Variants in KIF12 observed in about 807,000 individuals in gnomAD.
KIF12 encodes kinesin-like protein KIF12.
A neutral mutation model predicts 87.9 loss-of-function variants in KIF12; 80 were observed. The observed-to-expected ratio is 0.91, with a 90% CI of 0.76 to 1.10. KIF12 has a LOEUF of 1.10. Ranked by LOEUF, KIF12 falls within the 50% of genes least tolerant of loss-of-function variation. The probability of loss-of-function intolerance (pLI) is 0.00; values close to 1 mark genes in which losing one functional copy is unlikely to be tolerated. For synonymous variants in KIF12, 353 were observed against 348.5 expected, an observed-to-expected ratio of 1.01 and a Z score of -0.14; for missense variants, 819 against 865.3, an observed-to-expected ratio of 0.95 and a Z score of 0.67.
chr9:114,095,808 C>A (rs1215402408), intron 9 of KIF12, among the ~76,000 whole-genome samples: 1 of 152,212 alleles, frequency 6.6e-6, no homozygotes, highest in African/African-American at 2.4e-5. Flanking sequence ...TTGAGTGGTT[C>A]TATTTCCCAA....
rs188701783 is a variant in KIF12, at chr9:114,096,032, G to T, written c.895+19C>A. On this transcript the variant is annotated intron_variant, in intron 9 of 18. Transcript: ENST00000640217. ...CAGAGGAGAGACAGGAAATCACACCGGTGGCCCCCAGGTCTCACCCAGGGC... is the reference window on the plus strand; with the variant it reads ...CAGAGGAGAGACAGGAAATCACACCTGTGGCCCCCAGGTCTCACCCAGGGC... 6.3e-7 allele frequency: 1 copy of T among 1,596,544 alleles called. No homozygotes were observed. Among genetic ancestry groups the T allele is most frequent in the African/African-American group, 1.3e-5 (1 of 74,684 alleles).
intron 18 of KIF12, 62 bp from the exon 19 acceptor site, chr9:114,092,062 TG>T: frequency 6.4e-7 from 1 of 1,552,082 alleles, no homozygotes; most frequent in Non-Finnish European, 8.7e-7. Flanking sequence ...CAGGTCCATC[TG>T]GGTCCCAACA....
At chr9:114,094,021 G>T in intron 13 of KIF12, 49 bp from the exon 14 acceptor site, 1 of 1,540,402 alleles carries the variant, frequency 6.5e-7, no homozygotes. Context: ...GGCTGGGGTG[G>T]GGCATCAGTC....
Position 114,098,116 on chromosome 9 carries a change from TG to T in KIF12, c.373del (p.Gln125ArgfsTer51). On this transcript the variant is annotated frameshift_variant and splice_region_variant, in exon 5 of 19. Coordinates refer to ENST00000640217, the MANE Select transcript of KIF12 (RefSeq NM_001388308.1). LOFTEE classifies it high-confidence loss of function. ...KTYTLTGPPP[Q>X]GEGVPVPPSL... The stretch of plus-strand genomic sequence containing the variant: ...GGGGCGCCGCCGGCGCTCGCTCACC[TG>T]GGGAGGGGGTCCAGTCAGGGTGTAG... 1 of 1,546,948 alleles carries T rather than the reference TG, an allele frequency of 6.5e-7. No homozygotes were observed. Among genetic ancestry groups the T allele is most frequent in the Non-Finnish European group, 8.7e-7 (1 of 1,145,886 alleles).
chr9:114,097,408 G>A lies in KIF12; in HGVS notation c.539C>T (p.Pro180Leu). The change falls in exon 7 of 19, where the codon CCC (proline) becomes CTC (leucine). Residue 180 changes from proline (P) to leucine (L), a missense_variant. Coordinates refer to ENST00000640217, the MANE Select transcript of KIF12 (RefSeq NM_001388308.1). ...GTTCCAGCGAACAGGGAGGGGCCGG[G>A]GAGACCCCAGGCTCAGCAAGTCCCG... ...QVRDLLSLGS[P>L]RPLPVRWNKT... The A allele has an allele frequency of 6.2e-7, 1 of 1,601,898 alleles. No homozygotes were observed. Among genetic ancestry groups the A allele is most frequent in the Non-Finnish European group, 8.5e-7 (1 of 1,176,268 alleles).
At chr9:114,096,738 A>G (rs1355471706) in intron 7 of KIF12, among the ~76,000 whole-genome samples, 1 of 152,166 alleles carries the variant, frequency 6.6e-6, no homozygotes, top group Non-Finnish European at 1.5e-5. Context: ...CTGCTTCGTG[A>G]AAGGAAGGGG....
chr9:114,098,180 T>C lies in KIF12; in HGVS notation c.310A>G (p.Thr104Ala). 6.5e-7 allele frequency: 1 copy of C among 1,546,232 alleles called. No homozygotes were observed. Residue 104 changes from threonine to alanine, a missense_variant, in exon 5 of 19, where the codon ACT (threonine) becomes GCT (alanine). Transcript: ENST00000640217. ...GELALRGFSC[T>A]VFTFGQTGSG... is the part of the protein sequence containing the mutation. ...CCCGTCTGGCCAAAGGTGAAAACAG[T>C]GCAGGAGAAACTGCGGGCGGCAAGG... is the stretch of plus-strand genomic sequence containing the variant.
Position 114,098,422 on chromosome 9 carries a change from G to A in KIF12, c.179C>T (p.Pro60Leu), listed in dbSNP as rs975719500. 1.6e-5 allele frequency: 24 copies of A among 1,508,822 alleles called. No individual in the cohort carries two copies. The highest frequency in any genetic ancestry group is 2.5e-5 in the South Asian group (2 of 81,510). 93.5% of individuals were successfully genotyped at this position (1,508,822 alleles called of 1,614,324 possible). The change falls in exon 4 of 19, where the codon CCT becomes CTT. Residue 60 changes from proline (P) to leucine (L), a missense_variant. Transcript: ENST00000640217. ...CGCCACTTCTGGACCCCCGCCTGGAGGACTCACCTGGCGCGGGTGGGGCGG... is the reference window on the plus strand; with the variant it reads ...CGCCACTTCTGGACCCCCGCCTGGAAGACTCACCTGGCGCGGGTGGGGCGG... The part of the protein sequence containing the change: ...CSGTRTLQVS[P>L]PGGGPEVAFR...
rs777521559 is a variant in KIF12, at chr9:114,093,855, G to A, written c.1400+31C>T. The A allele has an allele frequency of 8.8e-6, 14 of 1,586,478 alleles. No homozygotes were observed. The South Asian group carries it at 8.8e-5, about 10-fold the overall frequency. The stretch of plus-strand genomic sequence containing the variant: ...TTTTCCCAGCTGCCCTCTGTCCAGA[G>A]GCCTGGCTCCAAGCTGGTGGCTCTG... On this transcript the variant is annotated intron_variant, in intron 14 of 18. Coordinates refer to ENST00000640217, the MANE Select transcript of KIF12 (RefSeq NM_001388308.1).
At chr9:114,098,546 G>T (rs1206222347) in intron 3 of KIF12, 117 bp from the exon 4 acceptor site, 38 of 765,970 alleles carry the variant, frequency 5.0e-5, no homozygotes, top group Non-Finnish European at 6.5e-5. Context: ...CACTCTGGAG[G>T]AGGGCGGGGC....
Position 114,095,350 on chromosome 9 carries a change from G to T in KIF12, c.896-18C>A, listed in dbSNP as rs1345529918. ...GCAGTGACCTGGGGAGGGAGAGCAAGAGTTAGGAAGGTTACATCACTTGCC... is the reference window on the plus strand; with the variant it reads ...GCAGTGACCTGGGGAGGGAGAGCAATAGTTAGGAAGGTTACATCACTTGCC... On this transcript the variant is annotated intron_variant, in intron 9 of 18. Transcript: ENST00000640217. 6.2e-7 allele frequency: 1 copy of T among 1,608,694 alleles called. No individual in the cohort carries two copies. The highest frequency in any genetic ancestry group is 2.2e-5 in the East Asian group (1 of 44,728).
chr9:114,098,007 G>A (rs750566124), intron 5 of KIF12, 108 bp downstream of exon 5: 4 of 1,144,920 alleles, frequency 3.5e-6, no homozygotes, highest in African/African-American at 3.2e-5. Flanking sequence ...CGGGTCAGGC[G>A]GCGTCGTCCC....
chr9:114,099,069 C>G, intron 2 of KIF12, 35 bp downstream of exon 2: 1 of 1,550,496 alleles, frequency 6.4e-7, no homozygotes, highest in Non-Finnish European at 8.7e-7. Context: ...CGATCCTTGT[C>G]TCGCCCAGGT....
chr9:114,095,467 T>C, intron 9 of KIF12, 135 bp from the exon 10 acceptor site: 1 of 938,696 alleles, frequency 1.1e-6, no homozygotes, highest in Non-Finnish European at 1.6e-6. Flanking sequence ...ATCTCATGAC[T>C]CAGTCAGATT....
In KIF12 at chr9:114,096,372, G is replaced by T. The variant is rs1370119810; in HGVS notation, c.738+15C>A. Reference sequence around the variant, plus strand: ...GTGGCCCCGGGTAAGCACCTTCCCAGGCTGGAGCACTCACAGTTTGACGGC... The same window carrying T: ...GTGGCCCCGGGTAAGCACCTTCCCATGCTGGAGCACTCACAGTTTGACGGC... On this transcript the variant is annotated intron_variant, in intron 8 of 18. Transcript: ENST00000640217. 1 of 1,610,500 alleles carries T rather than the reference G, an allele frequency of 6.2e-7. No homozygotes were observed. The highest frequency in any genetic ancestry group is 8.5e-7 in the Non-Finnish European group (1 of 1,178,282).
At chr9:114,095,546 C>T (rs1365774258) in intron 9 of KIF12, among the ~76,000 whole-genome samples, 1 of 152,198 alleles carries the variant, frequency 6.6e-6, no homozygotes, top group Non-Finnish European at 1.5e-5. Flanking sequence ...CCTCAATGCC[C>T]AGCAAAGTGC....
At chr9:114,097,279 A>C in intron 7 of KIF12, 22 bp downstream of exon 7, 1 of 1,601,314 alleles carries the variant, frequency 6.2e-7, no homozygotes, top group Non-Finnish European at 8.5e-7. Flanking sequence ...TACCCGCAAA[A>C]CTCCCCGCTG....
chr9:114,092,081 G>C (rs41277735), intron 18 of KIF12, 81 bp from the exon 19 acceptor site: 191,295 of 1,507,716 alleles, frequency 0.13, 13,291 homozygotes, highest in Middle Eastern at 0.16. Flanking sequence ...ACACCCTCTG[G>C]AGAAGCCTCA....
chr9:114,098,126 G>A lies in KIF12; in HGVS notation c.364C>T (p.Pro122Ser). The change falls in exon 5 of 19, where the codon CCC (proline) becomes TCC (serine). Residue 122 changes from proline (P) to serine (S), a missense_variant. Pro to Ser is a moderately conservative substitution (Grantham distance 74). Coordinates refer to ENST00000640217, the MANE Select transcript of KIF12 (RefSeq NM_001388308.1). ...CGGCGCTCGCTCACCTGGGGAGGGG[G>A]TCCAGTCAGGGTGTAGGTCTTCCCA... ...GSGKTYTLTG[P>S]PPQGEGVPVP... 4 of 1,547,750 alleles carry A rather than the reference G, an allele frequency of 2.6e-6. No individual in the cohort carries two copies. The highest frequency in any genetic ancestry group is 2.6e-6 in the Non-Finnish European group (3 of 1,146,222).
Sources: allele counts gnomAD v4.1 joint callset (sites outside exome capture counted in the v4.1 genomes callset), GRCh38; gene constraint gnomAD v4.1.1; transcripts MANE v1.5; gene names NCBI Gene and HGNC (gene_info 2026-07-23, HGNC 2026-07-21).